Variants in NAA35 observed in about 807,000 individuals in gnomAD.
NAA35 encodes MAK10 homolog, amino-acid N-acetyltransferase subunit.
A neutral mutation model predicts 101.7 loss-of-function variants in NAA35; 18 were observed. The ratio of observed to expected loss-of-function variants is 0.18; its 90% confidence interval spans 0.12 to 0.26. The LOEUF (loss-of-function observed/expected upper bound fraction) is 0.26, where lower values mean the gene tolerates loss of function less well. NAA35 is among the 10% of genes least tolerant of loss of function. The pLI, the probability that NAA35 is intolerant of heterozygous loss-of-function variation, is 1.00. For synonymous variants in NAA35, 267 were observed against 273.1 expected (o/e 0.98, Z 0.22); for missense variants, 601 against 886.8 (o/e 0.68, Z 4.09).
intron 11 of NAA35, among the ~76,000 whole-genome samples, chr9:85,993,461 G>A (rs925617665): frequency 6.6e-6 from 1 of 152,186 alleles, no homozygotes; most frequent in Non-Finnish European, 1.5e-5. Flanking sequence ...GAGCCACCAT[G>A]TCCGGCTAGG....
At chr9:85,969,421 A>G (rs768967464) in intron 6 of NAA35, among the ~76,000 whole-genome samples, 1 of 152,084 alleles carries the variant, frequency 6.6e-6, no homozygotes, top group South Asian at 2.1e-4. Context: ...CTGTATTCCT[A>G]AGGGTGATAA....
intron 12 of NAA35, among the ~76,000 whole-genome samples, chr9:86,000,989 T>C (rs887235172): frequency 2.0e-5 from 3 of 152,104 alleles, no homozygotes; most frequent in Admixed American, 6.6e-5. Flanking sequence ...GTTAGGTTGT[T>C]TGAGATCTTT....
Position 86,013,699 on chromosome 9 carries a change from A to G in NAA35, c.1390-20A>G. Reference sequence around the variant, plus strand: ...TAAGAAAACAAAACGAACACAGTTTATGACATTTTATTTTAATAGGCAGAG... The same window carrying G: ...TAAGAAAACAAAACGAACACAGTTTGTGACATTTTATTTTAATAGGCAGAG... On this transcript the variant is annotated intron_variant, in intron 16 of 22. Coordinates refer to ENST00000361671, the MANE Select transcript of NAA35 (RefSeq NM_024635.4). The G allele has an allele frequency of 6.2e-7, 1 of 1,606,180 alleles. No individual in the cohort carries two copies. Among genetic ancestry groups the G allele is most frequent in the South Asian group, 1.1e-5 (1 of 90,204 alleles).
At chr9:85,997,864 C>CACAT (rs775955982) in intron 12 of NAA35, among the ~76,000 whole-genome samples, 11 of 152,022 alleles carry the variant, frequency 7.2e-5, no homozygotes, top group South Asian at 2.1e-4. Flanking sequence ...TGCTGGTATA[C>CACAT]ACATACATAC....
At chr9:86,014,376 T>C (rs1832101761) in intron 17 of NAA35, 1 of 982,234 alleles carries the variant, frequency 1.0e-6, no homozygotes, top group African/African-American at 1.8e-5. Flanking sequence ...TTCGGCAGAG[T>C]AGTTCTTCCC....
intron 2 of NAA35, among the ~76,000 whole-genome samples, chr9:85,945,191 G>A (rs1348130545): frequency 6.6e-6 from 1 of 152,054 alleles, no homozygotes; most frequent in Admixed American, 6.6e-5. Context: ...GCCATTTTGT[G>A]GCCAACATAC....
At chr9:86,004,980 CAT>C (rs1286885879) in intron 13 of NAA35, among the ~76,000 whole-genome samples, 1 of 152,162 alleles carries the variant, frequency 6.6e-6, no homozygotes. Flanking sequence ...CAAGAACACT[CAT>C]ATGAGCCAGA....
At chr9:85,958,169 A>G (rs1333597931) in intron 3 of NAA35, among the ~76,000 whole-genome samples, 1 of 151,932 alleles carries the variant, frequency 6.6e-6, no homozygotes, top group Admixed American at 6.6e-5. Flanking sequence ...TTGAACTCCC[A>G]ACCTCAGGTG....
intron 13 of NAA35, among the ~76,000 whole-genome samples, chr9:86,004,625 C>CA (rs1831553801): frequency 6.6e-6 from 1 of 151,998 alleles, no homozygotes; most frequent in Admixed American, 6.6e-5. Flanking sequence ...CAATGCAACC[C>CA]AAAGCTCATT....
intron 3 of NAA35, among the ~76,000 whole-genome samples, chr9:85,957,505 A>G (rs1015406839): frequency 1.3e-5 from 2 of 152,156 alleles, no homozygotes; most frequent in Non-Finnish European, 1.5e-5. Flanking sequence ...GAGGGCATTA[A>G]TCTATTCATG....
intron 12 of NAA35, among the ~76,000 whole-genome samples, chr9:85,997,285 G>A (rs968483403): frequency 1.3e-5 from 2 of 151,560 alleles, no homozygotes; most frequent in Non-Finnish European, 2.9e-5. Flanking sequence ...TTGAGGTCAA[G>A]TGATCTCCCA....
intron 21 of NAA35, among the ~76,000 whole-genome samples, chr9:86,020,673 G>A (rs963928761): frequency 2.0e-5 from 3 of 152,046 alleles, no homozygotes; most frequent in African/African-American, 4.8e-5. Flanking sequence ...GTGAGATCTT[G>A]TCTCTATAAA....
At chr9:86,007,138 G>T in intron 13 of NAA35, among the ~76,000 whole-genome samples, 1 of 152,076 alleles carries the variant, frequency 6.6e-6, no homozygotes, top group East Asian at 1.9e-4. Context: ...CTCTTGGGAG[G>T]TTTTTATTTC....
chr9:85,982,502 T>C (rs1001510213), intron 11 of NAA35, among the ~76,000 whole-genome samples: 1 of 152,220 alleles, frequency 6.6e-6, no homozygotes. Flanking sequence ...TGTCAAAATA[T>C]GTTTCTCTTT....
intron 11 of NAA35, among the ~76,000 whole-genome samples, chr9:85,984,024 C>CAAAAA (rs146695687): frequency 9.7e-6 from 1 of 103,048 alleles, no homozygotes; most frequent in East Asian, 2.4e-4. Flanking sequence ...AAAATAGAAG[C>CAAAAA]AAAAAAAAAA....
intron 13 of NAA35, among the ~76,000 whole-genome samples, chr9:86,005,280 C>T (rs1388464240): frequency 6.6e-6 from 1 of 152,148 alleles, no homozygotes; most frequent in African/African-American, 2.4e-5. Flanking sequence ...TGACAAAATT[C>T]AACATCCATT....
chr9:85,962,490 CAAAAAAAA>C (rs781302881), intron 6 of NAA35, among the ~76,000 whole-genome samples: 10 of 85,944 alleles, frequency 1.2e-4, no homozygotes, highest in East Asian at 3.6e-4. Context: ...GACTCTGTCT[CAAAAAAAA>C]AAAAAAAAAA....
At position 86,022,631 on chromosome 9, in the gene NAA35, G is replaced by A. The variant is rs986574047; in HGVS notation, c.*671G>A. Among the ~76,000 whole-genome samples the A allele has an allele frequency of 6.6e-6, 1 of 152,210 alleles. No homozygotes were observed. Among genetic ancestry groups the A allele is most frequent in the African/African-American group, 2.4e-5 (1 of 41,446 alleles). ...GTGACATGCAAAAAGGAGGCAGATA[G>A]AAATGTATATAGATTAAAATTTAGG... is the stretch of plus-strand genomic sequence containing the variant. On this transcript the variant is annotated 3_prime_UTR_variant, in exon 23 of 23. Coordinates refer to ENST00000361671, the MANE Select transcript of NAA35 (RefSeq NM_024635.4).
At chr9:85,961,381 A>C (rs954341626) in intron 5 of NAA35, among the ~76,000 whole-genome samples, 1 of 152,236 alleles carries the variant, frequency 6.6e-6, no homozygotes, top group Non-Finnish European at 1.5e-5. Flanking sequence ...CTAGGAAAAA[A>C]ATGAGATAAG....
Sources: allele counts gnomAD v4.1 joint callset (sites outside exome capture counted in the v4.1 genomes callset), GRCh38; gene constraint gnomAD v4.1.1; transcripts MANE v1.5; gene names NCBI Gene and HGNC (gene_info 2026-07-23, HGNC 2026-07-21).